Variants in LRRTM4 observed in about 807,000 individuals in gnomAD.
The protein encoded by LRRTM4 is leucine rich repeat transmembrane neuronal 4, also known as leucine-rich repeat transmembrane neuronal protein 4.
LRRTM4 carries 25 observed loss-of-function variants against 47.6 expected under a neutral mutation model. The ratio of observed to expected loss-of-function variants is 0.53; its 90% CI spans 0.38 to 0.73. The LOEUF is 0.73. Ranked by LOEUF, LRRTM4 falls within the 30% of genes least tolerant of loss-of-function variation. The pLI, the probability that LRRTM4 is intolerant of heterozygous loss-of-function variation, is 0.00. For synonymous variants in LRRTM4, 311 were observed against 269.5 expected, an observed-to-expected ratio of 1.15 and a Z score of -1.51; for missense variants, 638 against 713.4, an observed-to-expected ratio of 0.89 and a Z score of 1.20.
At chr2:77,273,832 T>C (rs1377814158) in intron 3 of LRRTM4, among the ~76,000 whole-genome samples, 1 of 152,186 alleles carries the variant, frequency 6.6e-6, no homozygotes, top group Non-Finnish European at 1.5e-5. Context: ...ATGTATTGAT[T>C]GACTTTACAA....
chr2:77,166,494 C>G (rs1039860687), intron 3 of LRRTM4, among the ~76,000 whole-genome samples: 1 of 152,134 alleles, frequency 6.6e-6, no homozygotes, highest in African/African-American at 2.4e-5. Flanking sequence ...GCCCGCATTG[C>G]CAAGACAATA....
At chr2:77,275,203 T>G (rs1452499941) in intron 3 of LRRTM4, among the ~76,000 whole-genome samples, 1 of 152,110 alleles carries the variant, frequency 6.6e-6, no homozygotes, top group Non-Finnish European at 1.5e-5. Flanking sequence ...GTCCCACACT[T>G]TTAGTACCCA....
chr2:77,424,345 A>G (rs563582386), intron 3 of LRRTM4, among the ~76,000 whole-genome samples: 1 of 152,312 alleles, frequency 6.6e-6, no homozygotes, highest in East Asian at 1.9e-4. Context: ...TTTTCTACTC[A>G]TCCTCCATGG....
intron 3 of LRRTM4, among the ~76,000 whole-genome samples, chr2:76,922,649 C>G (rs1184720201): frequency 1.3e-5 from 2 of 151,666 alleles, no homozygotes; most frequent in African/African-American, 4.8e-5. Context: ...AGATGTTGGT[C>G]AAAGCATAAA....
At chr2:77,380,170 T>C (rs1477671046) in intron 3 of LRRTM4, among the ~76,000 whole-genome samples, 4 of 152,204 alleles carry the variant, frequency 2.6e-5, no homozygotes, top group African/African-American at 9.6e-5. Flanking sequence ...TGGGAATCTA[T>C]AATTAGACTT....
intron 3 of LRRTM4, among the ~76,000 whole-genome samples, chr2:76,898,989 A>G (rs563534019): frequency 1.3e-4 from 20 of 152,060 alleles, no homozygotes; most frequent in African/African-American, 4.1e-4. Flanking sequence ...CTCTTTGATT[A>G]ATTTACATTC....
intron 3 of LRRTM4, among the ~76,000 whole-genome samples, chr2:77,485,269 C>A (rs923118579): frequency 6.6e-6 from 1 of 151,878 alleles, no homozygotes; most frequent in Non-Finnish European, 1.5e-5. Context: ...AGGAGAGAGA[C>A]AAAGAGACCA....
chr2:77,017,926 C>A (rs181369340), intron 3 of LRRTM4, among the ~76,000 whole-genome samples: 1 of 151,844 alleles, frequency 6.6e-6, no homozygotes, highest in African/African-American at 2.4e-5. Context: ...TTAGCTCAAA[C>A]GAGATAAGAT....
chr2:76,788,120 A>G (rs907860097), intron 3 of LRRTM4, among the ~76,000 whole-genome samples: 2 of 152,202 alleles, frequency 1.3e-5, no homozygotes, highest in Admixed American at 6.5e-5. Flanking sequence ...TGATACAATC[A>G]TGATTAAACT....
chr2:76,857,815 G>A (rs1672199797), intron 3 of LRRTM4, among the ~76,000 whole-genome samples: 1 of 151,986 alleles, frequency 6.6e-6, no homozygotes, highest in Non-Finnish European at 1.5e-5. Flanking sequence ...TTTCTAACAG[G>A]CAAATAGGCA....
chr2:77,410,435 T>C (rs916418392), intron 3 of LRRTM4, among the ~76,000 whole-genome samples: 4 of 152,118 alleles, frequency 2.6e-5, no homozygotes, highest in Non-Finnish European at 5.9e-5. Flanking sequence ...TCCTCATATT[T>C]CCCTATTAAA....
chr2:77,341,431 T>C (rs1671368994), intron 3 of LRRTM4, among the ~76,000 whole-genome samples: 1 of 152,020 alleles, frequency 6.6e-6, no homozygotes, highest in South Asian at 2.1e-4. Flanking sequence ...TTAAACGTTA[T>C]TCCTTCATGT....
intron 3 of LRRTM4, among the ~76,000 whole-genome samples, chr2:76,907,602 T>G (rs1172008083): frequency 7.4e-6 from 1 of 135,740 alleles, no homozygotes; most frequent in Non-Finnish European, 1.5e-5. Context: ...CTAGCAAGAC[T>G]AATAAAGAAA....
chr2:77,333,401 T>C, intron 3 of LRRTM4, among the ~76,000 whole-genome samples: 1 of 152,188 alleles, frequency 6.6e-6, no homozygotes, highest in East Asian at 1.9e-4. Flanking sequence ...AAAATGCTGA[T>C]AATGATATGG....
chr2:77,268,097 C>A (rs552215615), intron 3 of LRRTM4, among the ~76,000 whole-genome samples: 1 of 152,230 alleles, frequency 6.6e-6, no homozygotes, highest in Admixed American at 6.5e-5. Context: ...TGATCTATAA[C>A]CATGACTTCA....
At chr2:76,766,498 C>A (rs770511294) in intron 3 of LRRTM4, among the ~76,000 whole-genome samples, 1 of 152,110 alleles carries the variant, frequency 6.6e-6, no homozygotes, top group Non-Finnish European at 1.5e-5. Context: ...AACCTTTTAC[C>A]CCTTCAGTTC....
At chr2:77,060,155 G>T (rs1178909957) in intron 3 of LRRTM4, among the ~76,000 whole-genome samples, 1 of 152,124 alleles carries the variant, frequency 6.6e-6, no homozygotes, top group Non-Finnish European at 1.5e-5. Flanking sequence ...ACCTTTGTTT[G>T]ACTGTTGGAT....
At chr2:76,880,769 A>G (rs1021031860) in intron 3 of LRRTM4, among the ~76,000 whole-genome samples, 1 of 152,204 alleles carries the variant, frequency 6.6e-6, no homozygotes, top group African/African-American at 2.4e-5. Context: ...AACTTTTCAG[A>G]GTGGGCAAAC....
intron 3 of LRRTM4, among the ~76,000 whole-genome samples, chr2:76,802,843 G>C (rs532709549): frequency 6.6e-6 from 1 of 152,166 alleles, no homozygotes; most frequent in Admixed American, 6.5e-5. Flanking sequence ...AAGAATTCAC[G>C]ATGGAGAAAG....
Sources: allele counts gnomAD v4.1 joint callset (sites outside exome capture counted in the v4.1 genomes callset), GRCh38; gene constraint gnomAD v4.1.1; transcripts MANE v1.5; gene names NCBI Gene and HGNC (gene_info 2026-07-23, HGNC 2026-07-21).